MACF1: variants seen among roughly 807,000 people sequenced by gnomAD.
MACF1 encodes microtubule-actin cross-linking factor 1.
Under a neutral mutation model 854.8 loss-of-function variants are expected in MACF1, and 193 were observed. That is an observed-to-expected ratio of 0.23 (90% CI 0.20 to 0.25). The LOEUF is 0.25. MACF1 is among the 10% of genes least tolerant of loss of function. The pLI is 1.00. For missense variants in MACF1, 7,722 were observed against 8,929.1 expected, an observed-to-expected ratio of 0.86 and a Z score of 5.45; for synonymous variants, 3,185 against 3,226.7, an observed-to-expected ratio of 0.99 and a Z score of 0.44.
chr1:39,337,914 C>T (rs987720115), intron 38 of MACF1, among the ~76,000 whole-genome samples: 1 of 152,154 alleles, frequency 6.6e-6, no homozygotes, highest in South Asian at 2.1e-4. Flanking sequence ...GGACTACAGG[C>T]GCCTGCCGCC....
At chr1:39,253,288 T>C (rs1645062467) in intron 4 of MACF1, among the ~76,000 whole-genome samples, 1 of 152,120 alleles carries the variant, frequency 6.6e-6, no homozygotes, top group African/African-American at 2.4e-5. Flanking sequence ...GTGACTGGCA[T>C]AACTTTCTCA....
At position 39,332,878 on chromosome 1, in the gene MACF1, T is replaced by C. The variant is rs749105136; in HGVS notation, c.6290T>C (p.Val2097Ala). Residue 2097 changes from valine to alanine, a missense_variant, in exon 37 of 101, where the codon GTA becomes GCA. Around this residue, in one of 15 missense-constraint regions of MACF1, gnomAD observed 1,531 missense variants for 1,601.6 expected, o/e 0.96. Coordinates refer to ENST00000564288, the MANE Select transcript of MACF1 (RefSeq NM_001394062.1). ...AATCCAAACATTGATGCTTTGAAGG[T>C]AATAAATAAAGTCAAATTAGAGGTA... Reference protein sequence around the residue: ...ERNPNIDALKVINKVKLEVQR... With the variant: ...ERNPNIDALKAINKVKLEVQR... 1 of 1,614,046 alleles carries C rather than the reference T, an allele frequency of 6.2e-7. No homozygotes were observed. Among genetic ancestry groups the C allele is most frequent in the Non-Finnish European group, 8.5e-7 (1 of 1,179,998 alleles).
chr1:39,448,720 G>A lies in MACF1; in HGVS notation c.20215G>A (p.Val6739Ile). The A allele has an allele frequency of 1.9e-6, 3 of 1,613,366 alleles. No individual in the cohort carries two copies. The highest frequency in any genetic ancestry group is 2.5e-6 in the Non-Finnish European group (3 of 1,179,594). ...SQKLDNFLGE[V>I]RDKWDTVCGK... Reference sequence around the variant, plus strand: ...GAAACTTGACAATTTCCTAGGAGAAGTCAGAGACAAATGGGATACTGTTTG... The same window carrying A: ...GAAACTTGACAATTTCCTAGGAGAAATCAGAGACAAATGGGATACTGTTTG... Residue 6739 changes from valine (V) to isoleucine (I), a missense_variant, in exon 84 of 101, where the codon GTC becomes ATC. Val to Ile is a conservative substitution (Grantham distance 29). Coordinates refer to ENST00000564288, the MANE Select transcript of MACF1 (RefSeq NM_001394062.1).
At chr1:39,139,156 C>A (rs1474033825) in intron 2 of MACF1, among the ~76,000 whole-genome samples, 1 of 152,286 alleles carries the variant, frequency 6.6e-6, no homozygotes, top group East Asian at 1.9e-4. Context: ...TCACAGATAA[C>A]TACTAAAACT....
chr1:39,152,188 T>TATCC (rs957054767), intron 2 of MACF1, among the ~76,000 whole-genome samples: 2 of 152,144 alleles, frequency 1.3e-5, no homozygotes, highest in African/African-American at 4.8e-5. Context: ...TTGGCCAGGA[T>TATCC]GGTCTGGATC....
chr1:39,349,776 C>A, intron 42 of MACF1, 149 bp downstream of exon 42: 2 of 763,792 alleles, frequency 2.6e-6, no homozygotes, highest in Non-Finnish European at 4.0e-6. Context: ...GGGACAAAGT[C>A]ATGAGCCACC....
chr1:39,458,153 G>T, intron 89 of MACF1: 1 of 509,084 alleles, frequency 2.0e-6, no homozygotes. Context: ...CATCCCGTTA[G>T]ACCCCACCTC....
intron 23 of MACF1, among the ~76,000 whole-genome samples, chr1:39,308,323 G>T (rs576289685): frequency 1.9e-4 from 29 of 151,890 alleles, no homozygotes; most frequent in East Asian, 1.2e-3. Context: ...TATTTTTTTT[G>T]TTGTTGCTTT....
chr1:39,202,691 T>C (rs1419298219), upstream of MACF1, among the ~76,000 whole-genome samples: 13 of 152,100 alleles, frequency 8.5e-5, no homozygotes, highest in Admixed American at 8.5e-4. Context: ...CTCCTCTTCG[T>C]CTCCTTTAGT....
chr1:39,414,244 C>T, intron 58 of MACF1: 1 of 1,614,054 alleles, frequency 6.2e-7, no homozygotes, highest in Non-Finnish European at 8.5e-7. Flanking sequence ...TGCTGCAGTG[C>T]CTCCTATGGA....
At chr1:39,190,395 G>GTTTTTTTTTTTTTTTTTTTTTTTTTTT (rs750262685) in intron 2 of MACF1, among the ~76,000 whole-genome samples, 2 of 79,040 alleles carry the variant, frequency 2.5e-5, no homozygotes, top group African/African-American at 4.7e-5. Context: ...GTGTGTGTTT[G>GTTTTTTTTTTTTTTTTTTTTTTTTTTT]TTTTTGTTTT....
chr1:39,267,341 A>G (rs1645245618), intron 6 of MACF1, among the ~76,000 whole-genome samples: 1 of 152,098 alleles, frequency 6.6e-6, no homozygotes, highest in South Asian at 2.1e-4. Context: ...AGCAATTCTC[A>G]TGCCTCAGCC....
At chr1:39,238,469 C>T (rs768738725) in intron 2 of MACF1, among the ~76,000 whole-genome samples, 2 of 152,214 alleles carry the variant, frequency 1.3e-5, no homozygotes, top group Non-Finnish European at 2.9e-5. Flanking sequence ...TAAGAGTGGC[C>T]CCTGCCCTTG....
At chr1:39,411,204 G>A in intron 58 of MACF1, 2 of 1,613,818 alleles carry the variant, frequency 1.2e-6, no homozygotes, top group Middle Eastern at 1.6e-4. Flanking sequence ...GCCTGAGAGA[G>A]AAAACAGAGT....
chr1:39,474,038 C>T (rs1644828187), intron 97 of MACF1, among the ~76,000 whole-genome samples: 1 of 152,024 alleles, frequency 6.6e-6, no homozygotes, highest in Non-Finnish European at 1.5e-5. Context: ...AAGATCACTT[C>T]AGGCCAAGAA....
At chr1:39,109,614 TC>T (rs1037367210) in intron 2 of MACF1, among the ~76,000 whole-genome samples, 3 of 152,032 alleles carry the variant, frequency 2.0e-5, no homozygotes, top group Admixed American at 6.6e-5. Flanking sequence ...TTTTTTTTTT[TC>T]TATCTCCTAC....
At chr1:39,164,015 G>A (rs1643858602) in intron 2 of MACF1, among the ~76,000 whole-genome samples, 1 of 151,968 alleles carries the variant, frequency 6.6e-6, no homozygotes, top group African/African-American at 2.4e-5. Context: ...TATATCTGTT[G>A]TTGTAGTTCT....
rs962883725 is a variant in MACF1, at chr1:39,308,017, G to T, written c.2790-1553G>T. 2.9e-5 allele frequency among the ~76,000 whole-genome samples: 4 copies of T among 138,182 alleles called. No homozygotes were observed. In the East Asian group the frequency reaches 9.2e-4, roughly 32 times the overall value. 90.7% of individuals were successfully genotyped at this position (138,182 alleles called of 152,430 possible). A position where few individuals can be genotyped will look rare whatever the true frequency, so the allele number is the denominator to read the frequency against. ...CCTCCTGGGTTCACTCCATTCTCCC[G>T]CCTCAGCCTCCCGAGTAGCTGGGAC... is the stretch of plus-strand genomic sequence containing the variant. On this transcript the variant is annotated intron_variant, in intron 23 of 100. Transcript: ENST00000564288.
chr1:39,133,707 AGTTTT>A (rs1371377684), intron 2 of MACF1, among the ~76,000 whole-genome samples: 6 of 152,218 alleles, frequency 3.9e-5, no homozygotes. Context: ...CACTTCACAT[AGTTTT>A]GTGTGATGAG....
Sources: allele counts gnomAD v4.1 joint callset (sites outside exome capture counted in the v4.1 genomes callset), GRCh38; gene constraint gnomAD v4.1.1; regional missense constraint gnomAD v4.1.1; transcripts MANE v1.5; gene names NCBI Gene and HGNC (gene_info 2026-07-23, HGNC 2026-07-21).